GALNT14: variants seen among roughly 807,000 people sequenced by gnomAD.
GALNT14 encodes UDP-GalNAc:polypeptide N-acetylgalactosaminyltransferase 14.
A neutral mutation model predicts 77.5 loss-of-function variants in GALNT14; 60 were observed. The ratio of observed to expected loss-of-function variants is 0.77; its 90% CI spans 0.63 to 0.96. The LOEUF (loss-of-function observed/expected upper bound fraction) is 0.96, where lower values mean the gene tolerates loss of function less well. Among genes scored for constraint, GALNT14 ranks in the 40% least tolerant of loss-of-function variants. GALNT14 has a pLI of 0.00. For missense variants in GALNT14, 710 were observed against 731.0 expected (o/e 0.97, Z 0.33); for synonymous variants, 280 against 281.7 (o/e 0.99, Z 0.06).
chr2:30,989,851 G>C (rs1017282909), intron 2 of GALNT14, among the ~76,000 whole-genome samples: 15 of 151,428 alleles, frequency 9.9e-5, no homozygotes, highest in Admixed American at 6.6e-4. Context: ...CTCCTAGTCA[G>C]CAGCACAACC....
At chr2:30,933,427 G>A (rs146885229) in intron 9 of GALNT14, among the ~76,000 whole-genome samples, 1,850 of 152,228 alleles carry the variant, frequency 0.012, 27 homozygotes, top group South Asian at 0.034. Context: ...CAGGGCCTTC[G>A]TATCACATGT....
chr2:31,001,456 G>A (rs1670365091), intron 1 of GALNT14, among the ~76,000 whole-genome samples: 1 of 152,134 alleles, frequency 6.6e-6, no homozygotes, highest in Admixed American at 6.6e-5. Context: ...CCAAAAGGTG[G>A]AAAAGCTAAA....
At chr2:31,055,820 C>T (rs1481492599) in intron 1 of GALNT14, among the ~76,000 whole-genome samples, 3 of 152,248 alleles carry the variant, frequency 2.0e-5, no homozygotes, top group Non-Finnish European at 2.9e-5. Flanking sequence ...AGTAGCCCAA[C>T]CAGAGAGGAC....
intron 2 of GALNT14, among the ~76,000 whole-genome samples, chr2:30,982,093 G>A (rs958806637): frequency 6.6e-6 from 1 of 152,184 alleles, no homozygotes; most frequent in Non-Finnish European, 1.5e-5. Context: ...GCTTGCTCGG[G>A]TATGCAAACG....
chr2:30,921,696 C>T (rs1392379600), intron 13 of GALNT14, among the ~76,000 whole-genome samples: 1 of 152,178 alleles, frequency 6.6e-6, no homozygotes, highest in Non-Finnish European at 1.5e-5. Context: ...AGGGCTGCAG[C>T]CAGGGCAGGA....
intron 9 of GALNT14, among the ~76,000 whole-genome samples, chr2:30,940,182 C>T (rs1009275315): frequency 6.6e-6 from 1 of 152,194 alleles, no homozygotes; most frequent in African/African-American, 2.4e-5. Context: ...CCAGCACCCT[C>T]TCCAACTTCT....
At chr2:31,025,242 A>T (rs894530037) in intron 1 of GALNT14, among the ~76,000 whole-genome samples, 8 of 152,160 alleles carry the variant, frequency 5.3e-5, no homozygotes, top group Non-Finnish European at 1.0e-4. Context: ...AAAGGTTTAC[A>T]ATAATGCTAG....
intron 1 of GALNT14, among the ~76,000 whole-genome samples, chr2:31,011,164 C>T (rs77821932): frequency 0.014 from 2,187 of 152,328 alleles, 17 homozygotes; most frequent in Non-Finnish European, 0.02. Context: ...GTGACTTAAC[C>T]TCTCTCCCTC....
At chr2:30,974,960 C>T (rs888128540) in intron 2 of GALNT14, among the ~76,000 whole-genome samples, 2 of 152,166 alleles carry the variant, frequency 1.3e-5, no homozygotes, top group East Asian at 3.9e-4. Flanking sequence ...ATGTCCTTTG[C>T]CAAGCTATGG....
intron 1 of GALNT14, among the ~76,000 whole-genome samples, chr2:31,003,980 C>T (rs1348904391): frequency 3.3e-5 from 5 of 152,234 alleles, no homozygotes; most frequent in South Asian, 2.1e-4. Flanking sequence ...CTTATCAACA[C>T]CCTGTAAATT....
At chr2:31,079,430 G>C (rs75314364) in intron 1 of GALNT14, among the ~76,000 whole-genome samples, 1 of 152,142 alleles carries the variant, frequency 6.6e-6, no homozygotes, top group African/African-American at 2.4e-5. Context: ...CTGAGCCCTC[G>C]GACTGTCCTG....
chr2:31,011,952 C>T (rs1573155893), intron 1 of GALNT14, among the ~76,000 whole-genome samples: 2 of 152,322 alleles, frequency 1.3e-5, no homozygotes, highest in Admixed American at 1.3e-4. Flanking sequence ...AAAAGCTAGG[C>T]ATTCTTCAGC....
chr2:31,045,987 G>A (rs916562324), intron 1 of GALNT14, among the ~76,000 whole-genome samples: 2 of 152,122 alleles, frequency 1.3e-5, no homozygotes, highest in African/African-American at 2.4e-5. Context: ...ATAAAGTAGA[G>A]AAGAGTAACA....
At chr2:31,123,676 G>C (rs1390691435) in intron 1 of GALNT14, among the ~76,000 whole-genome samples, 1 of 152,218 alleles carries the variant, frequency 6.6e-6, no homozygotes, top group Admixed American at 6.5e-5. Flanking sequence ...CTTTAAGGAT[G>C]AGATTAAACT....
At position 30,977,832 on chromosome 2, in the gene GALNT14, T is replaced by C. The variant is rs144466871; in HGVS notation, c.300-11530A>G. 2.7e-3 allele frequency among the ~76,000 whole-genome samples: 418 copies of C among 152,236 alleles called. 1 individual carries two copies. Among genetic ancestry groups the C allele is most frequent in the African/African-American group, 9.3e-3 (386 of 41,554 alleles). On this transcript the variant is annotated intron_variant, in intron 2 of 14. Coordinates refer to ENST00000349752, the MANE Select transcript of GALNT14 (RefSeq NM_024572.4). ...TACAGTCAATCCACCCCTGAGCCAA[T>C]ACTGCACTCAAATCTGCCTCTTTTT... is the stretch of plus-strand genomic sequence containing the variant.
chr2:30,921,254 G>A (rs1479962417), intron 13 of GALNT14, among the ~76,000 whole-genome samples: 1 of 152,066 alleles, frequency 6.6e-6, no homozygotes, highest in African/African-American at 2.4e-5. Flanking sequence ...AAAGTCCCCT[G>A]TTCTGCTGGA....
intron 2 of GALNT14, among the ~76,000 whole-genome samples, chr2:30,968,186 G>T (rs1668126426): frequency 6.6e-6 from 1 of 152,216 alleles, no homozygotes. Context: ...CTAGAACAGG[G>T]TTTAAGTATA....
At chr2:30,974,595 T>C (rs1668533387) in intron 2 of GALNT14, among the ~76,000 whole-genome samples, 1 of 152,228 alleles carries the variant, frequency 6.6e-6, no homozygotes, top group African/African-American at 2.4e-5. Context: ...ATATCTGAAA[T>C]GCACTCTCCT....
chr2:30,935,549 C>T (rs1042466997), intron 9 of GALNT14, among the ~76,000 whole-genome samples: 1 of 152,214 alleles, frequency 6.6e-6, no homozygotes, highest in African/African-American at 2.4e-5. Context: ...TTATTGGAGG[C>T]ACGTGTCTTG....
Sources: gnomAD v4.1 joint callset for allele counts (sites outside exome capture counted in the v4.1 genomes callset) on GRCh38, gnomAD v4.1.1 for gene constraint, MANE v1.5 for transcripts, NCBI Gene and HGNC (gene_info 2026-07-23, HGNC 2026-07-21) for gene names.